The following NUMB variants were observed in gnomAD, a reference collection of about 807,000 sequenced individuals.
NUMB encodes the protein NUMB endocytic adaptor protein.
NUMB carries 29 observed loss-of-function variants against 59.7 expected under a neutral mutation model. The observed-to-expected ratio is 0.49, with a 90% confidence interval of 0.36 to 0.66. The LOEUF is 0.66. Among genes scored for constraint, NUMB ranks in the 30% least tolerant of loss-of-function variants. The probability of loss-of-function intolerance (pLI) is 0.00; values close to 1 mark genes in which losing one functional copy is unlikely to be tolerated. For missense variants in NUMB, 723 were observed against 822.0 expected, an observed-to-expected ratio of 0.88 and a Z score of 1.47; for synonymous variants, 288 against 288.2, an observed-to-expected ratio of 1.00 and a Z score of 0.01.
Position 73,440,196 on chromosome 14 carries a change from CAT to C in NUMB, c.-233+18295_-233+18296del, listed in dbSNP as rs60750268. 2.7e-3 allele frequency among the ~76,000 whole-genome samples: 138 copies of C among 51,182 alleles called. 1 individual carries two copies. The highest frequency in any genetic ancestry group is 0.015 in the Middle Eastern group (2 of 136). 33.6% of individuals were successfully genotyped at this position (51,182 alleles called of 152,430 possible). A position where few individuals can be genotyped will look rare whatever the true frequency, so the allele number is the denominator to read the frequency against. On this transcript the variant is annotated intron_variant, in intron 1 of 12. Transcript: ENST00000555238. Reference sequence around the variant, plus strand: ...AATGCTGCTGGGACAACTAGATATCCATATATATATATGGATATCCATATATA... The same window carrying C: ...AATGCTGCTGGGACAACTAGATATCCATATATATATGGATATCCATATATA...
At position 73,398,413 on chromosome 14, in the gene NUMB, A is replaced by AGTGTGTGTGTGTGT. The variant is rs1452367894; in HGVS notation, c.-101+11523_-101+11524insACACACACACACAC. On this transcript the variant is annotated intron_variant, in intron 2 of 12. Coordinates refer to ENST00000555238, the MANE Select transcript of NUMB (RefSeq NM_001005743.2). ...CACACAGAGAGAGAGAGAGAGAGAG[A>AGTGTGTGTGTGTGT]GAGTGTGTGTGTGTGTGTGTGTGTG... Among the ~76,000 whole-genome samples, 5 of 117,776 alleles carry AGTGTGTGTGTGTGT rather than the reference A, an allele frequency of 4.2e-5. No homozygotes were observed. The East Asian group carries it at 1.1e-3, about 27-fold the overall frequency. 77.3% of individuals were successfully genotyped at this position (117,776 alleles called of 152,430 possible).
At chr14:73,407,166 A>C (rs1017199454) in intron 2 of NUMB, among the ~76,000 whole-genome samples, 2 of 151,934 alleles carry the variant, frequency 1.3e-5, no homozygotes, top group African/African-American at 4.8e-5. Context: ...AAATGCAAAA[A>C]AAAAACAAAA....
chr14:73,431,325 G>A (rs61985849), intron 1 of NUMB, among the ~76,000 whole-genome samples: 23,508 of 149,904 alleles, frequency 0.16, 2,685 homozygotes, highest in Non-Finnish European at 0.23. Flanking sequence ...GCGCGATCTC[G>A]GCTCACTGCA....
At chr14:73,286,630 T>C (rs758001005) in intron 9 of NUMB, 8 of 164,292 alleles carry the variant, frequency 4.9e-5, no homozygotes, top group Non-Finnish European at 6.8e-5. Flanking sequence ...TCAAAATCTA[T>C]AGACTTTTGT....
At chr14:73,361,716 C>G (rs934410348) in intron 3 of NUMB, among the ~76,000 whole-genome samples, 1 of 151,860 alleles carries the variant, frequency 6.6e-6, no homozygotes, top group African/African-American at 2.4e-5. Context: ...TATTCTGTAT[C>G]CAACAAAGTA....
Position 73,284,259 on chromosome 14 carries a change from A to G in NUMB, c.771T>C (p.Asn257=). Residue 257 remains asparagine, a synonymous_variant, in exon 10 of 13, where the codon AAT becomes AAC. Transcript: ENST00000555238. The part of the protein sequence containing the change: ...SDATTSLEMN[N]PHAIPRRHAP... ...CATGCCGGCGTGGGATGGCATGAGG[A>G]TTGTTCATCTCCAGAGAGGTCGTGG... The G allele has an allele frequency of 2.5e-6, 4 of 1,614,164 alleles. No homozygotes were observed. The highest frequency in any genetic ancestry group is 3.4e-6 in the Non-Finnish European group (4 of 1,180,032).
At chr14:73,431,752 A>C (rs1490193229) in intron 1 of NUMB, among the ~76,000 whole-genome samples, 2 of 152,028 alleles carry the variant, frequency 1.3e-5, no homozygotes, top group African/African-American at 2.4e-5. Context: ...CCGTCTCAAA[A>C]AAAGAAAAGA....
chr14:73,444,139 C>T (rs978589141), intron 1 of NUMB, among the ~76,000 whole-genome samples: 1 of 152,138 alleles, frequency 6.6e-6, no homozygotes. Flanking sequence ...GTGGCGGATG[C>T]CTGTAAACCC....
At chr14:73,372,690 AAC>A (rs960578864) in intron 2 of NUMB, among the ~76,000 whole-genome samples, 5 of 151,940 alleles carry the variant, frequency 3.3e-5, no homozygotes, top group African/African-American at 4.8e-5. Context: ...ACTGACAAAA[AAC>A]AGTTTCAAAA....
intron 1 of NUMB, among the ~76,000 whole-genome samples, chr14:73,412,501 C>T (rs2140136529): frequency 6.6e-6 from 1 of 152,020 alleles, no homozygotes; most frequent in East Asian, 2.0e-4. Flanking sequence ...GTGGCACATG[C>T]CTGTAATCCC....
chr14:73,362,799 C>T (rs1184971051), intron 3 of NUMB, among the ~76,000 whole-genome samples: 1 of 152,052 alleles, frequency 6.6e-6, no homozygotes, highest in Non-Finnish European at 1.5e-5. Flanking sequence ...AATGACATAG[C>T]ATATTGGTTA....
intron 1 of NUMB, among the ~76,000 whole-genome samples, chr14:73,453,300 T>C (rs1884116212): frequency 6.6e-6 from 1 of 151,538 alleles, no homozygotes; most frequent in Admixed American, 6.6e-5. Flanking sequence ...GCCCGGCTAA[T>C]TTTGTATTTT....
At chr14:73,412,119 A>G (rs1423345366) in intron 1 of NUMB, among the ~76,000 whole-genome samples, 1 of 151,440 alleles carries the variant, frequency 6.6e-6, no homozygotes, top group African/African-American at 2.4e-5. Flanking sequence ...TATAAAGACA[A>G]TCTCACACAG....
chr14:73,430,858 T>G (rs933248436), intron 1 of NUMB, among the ~76,000 whole-genome samples: 1 of 151,592 alleles, frequency 6.6e-6, no homozygotes, highest in Non-Finnish European at 1.5e-5. Flanking sequence ...GGCAGGAGAA[T>G]GGTGTGAACC....
chr14:73,340,594 C>G (rs1892582828), intron 4 of NUMB, among the ~76,000 whole-genome samples: 1 of 152,202 alleles, frequency 6.6e-6, no homozygotes, highest in South Asian at 2.1e-4. Flanking sequence ...GTACTTAGAA[C>G]ATTGCCTGGT....
intron 5 of NUMB, 29 bp downstream of exon 5, chr14:73,323,101 A>C (rs1166507126): frequency 1.9e-6 from 3 of 1,550,018 alleles, no homozygotes; most frequent in Non-Finnish European, 2.7e-6. Context: ...TAGCATATAG[A>C]TCAACACTGG....
intron 7 of NUMB, among the ~76,000 whole-genome samples, 171 bp from the exon 8 acceptor site, chr14:73,293,045 C>T (rs1265260831): frequency 6.6e-6 from 1 of 152,212 alleles, no homozygotes; most frequent in Non-Finnish European, 1.5e-5. Context: ...ACTCAGCAGA[C>T]ATCCCAAGAG....
At chr14:73,321,172 C>G (rs1031149843) in intron 5 of NUMB, among the ~76,000 whole-genome samples, 1 of 152,154 alleles carries the variant, frequency 6.6e-6, no homozygotes, top group African/African-American at 2.4e-5. Context: ...CTTTTCCTTA[C>G]TTACAGAGTG....
intron 2 of NUMB, among the ~76,000 whole-genome samples, chr14:73,383,861 C>T (rs35170353): frequency 0.013 from 1,914 of 151,914 alleles, 23 homozygotes; most frequent in Middle Eastern, 0.024. Context: ...ACAAAAAATA[C>T]AAAAATTAGC....
Sources: allele counts gnomAD v4.1 joint callset (sites outside exome capture counted in the v4.1 genomes callset), GRCh38; gene constraint gnomAD v4.1.1; transcripts MANE v1.5; gene names NCBI Gene and HGNC (gene_info 2026-07-23, HGNC 2026-07-21).